MICAL2: variants seen among roughly 807,000 people sequenced by gnomAD.
The protein encoded by MICAL2 is microtubule associated monooxygenase, calponin and LIM domain containing 2, also known as [F-actin]-monooxygenase MICAL2.
In MICAL2, 77 loss-of-function variants were observed where a neutral mutation model predicts 127.3. The ratio of observed to expected loss-of-function variants is 0.60; its 90% CI spans 0.50 to 0.73. The LOEUF (loss-of-function observed/expected upper bound fraction) is 0.73. MICAL2 is among the 30% of genes least tolerant of loss of function. The pLI is 0.00. For synonymous variants in MICAL2, 570 were observed against 551.1 expected (o/e 1.03, Z -0.48); for missense variants, 1,351 against 1,434.4 (o/e 0.94, Z 0.94).
chr11:12,118,871 T>C (rs1850268702), intron 1 of MICAL2, among the ~76,000 whole-genome samples: 1 of 152,168 alleles, frequency 6.6e-6, no homozygotes, highest in Non-Finnish European at 1.5e-5. Context: ...GTTGTTGTTG[T>C]TGTTTTGTTT....
At position 12,220,382 on chromosome 11, in the gene MICAL2, C is replaced by G; in HGVS notation, c.1130C>G (p.Ser377Ter). Residue 377 changes from serine (S) to a stop codon, truncating the protein, a stop_gained, in exon 9 of 28, where the codon TCA (serine) becomes TGA (stop). Coordinates refer to ENST00000683283, the MANE Select transcript of MICAL2 (RefSeq NM_001282663.2). LOFTEE classifies it high-confidence loss of function. Reference sequence around the variant, plus strand: ...TTTGACTTTACCTGCATGTATGCCTCAGAGAACGCGGCCCTGGTGCGGGAG... The same window carrying G: ...TTTGACTTTACCTGCATGTATGCCTGAGAGAACGCGGCCCTGGTGCGGGAG... ...AMFDFTCMYA[S>*]ENAALVRERQ... 1 of 1,614,166 alleles carries G rather than the reference C, an allele frequency of 6.2e-7. No homozygotes were observed. The highest frequency in any genetic ancestry group is 8.5e-7 in the Non-Finnish European group (1 of 1,180,044).
intron 1 of MICAL2, among the ~76,000 whole-genome samples, chr11:12,114,098 A>T (rs1251878763): frequency 1.3e-5 from 2 of 152,196 alleles, no homozygotes; most frequent in Admixed American, 1.3e-4. Flanking sequence ...CAAACTCATA[A>T]TGCATAATCA....
At chr11:12,285,450 A>G (rs550903814) in intron 2 of MICAL2, among the ~76,000 whole-genome samples, 1 of 152,302 alleles carries the variant, frequency 6.6e-6, no homozygotes, top group South Asian at 2.1e-4. Context: ...GTCTGGGGAA[A>G]GGGCTGTTAT....
intron 2 of MICAL2, among the ~76,000 whole-genome samples, chr11:12,152,549 A>G (rs961910241): frequency 3.9e-5 from 6 of 152,068 alleles, no homozygotes; most frequent in Non-Finnish European, 8.8e-5. Flanking sequence ...AGACCAGGGA[A>G]CTGGTGCCCA....
intron 3 of MICAL2, among the ~76,000 whole-genome samples, chr11:12,203,246 C>T (rs1234586518): frequency 2.6e-5 from 4 of 152,124 alleles, no homozygotes; most frequent in Non-Finnish European, 4.4e-5. Flanking sequence ...TTTGTGTGAA[C>T]ATGTTTTCAT....
intron 2 of MICAL2, among the ~76,000 whole-genome samples, chr11:12,160,976 C>T (rs905905137): frequency 6.6e-6 from 1 of 152,224 alleles, no homozygotes; most frequent in Non-Finnish European, 1.5e-5. Context: ...CTCTGGGGAG[C>T]ACAGAGCTGC....
intron 2 of MICAL2, among the ~76,000 whole-genome samples, chr11:12,153,551 C>T (rs1375843424): frequency 6.6e-6 from 1 of 152,110 alleles, no homozygotes; most frequent in African/African-American, 2.4e-5. Context: ...GATTCTCTTG[C>T]CTCAGCCTCC....
At chr11:12,288,551 G>A (rs963321803), downstream of MICAL2, among the ~76,000 whole-genome samples, 1 of 152,212 alleles carries the variant, frequency 6.6e-6, no homozygotes, top group Admixed American at 6.5e-5. Flanking sequence ...AGTTATCAAG[G>A]AGTATTGCAC....
At chr11:12,338,706 A>G (rs1938809309) in intron 32 of MICAL2, among the ~76,000 whole-genome samples, 1 of 152,118 alleles carries the variant, frequency 6.6e-6, no homozygotes, top group Non-Finnish European at 1.5e-5. Context: ...TTTCTCCTTC[A>G]CTTATGAAGC....
intron 6 of MICAL2, among the ~76,000 whole-genome samples, chr11:12,212,295 C>A (rs895918508): frequency 1.3e-5 from 2 of 152,156 alleles, no homozygotes; most frequent in African/African-American, 4.8e-5. Flanking sequence ...CATGATGAAA[C>A]TGTGTCTCCA....
intron 26 of MICAL2, chr11:12,261,925 T>A (rs2134718151): frequency 1.0e-6 from 1 of 986,970 alleles, no homozygotes; most frequent in African/African-American, 1.7e-5. Context: ...GGTCATGATG[T>A]GAACGGCCAT....
chr11:12,115,487 T>A (rs11022182), intron 1 of MICAL2, among the ~76,000 whole-genome samples: 7 of 152,176 alleles, frequency 4.6e-5, no homozygotes, highest in Admixed American at 2.0e-4. Context: ...TTAATTTTTA[T>A]TTTTTATTTT....
At chr11:12,190,499 A>G (rs1259598709) in intron 3 of MICAL2, among the ~76,000 whole-genome samples, 2 of 152,218 alleles carry the variant, frequency 1.3e-5, no homozygotes, top group African/African-American at 2.4e-5. Flanking sequence ...TGGTAAAGGT[A>G]GTAAAACTCC....
intron 3 of MICAL2, among the ~76,000 whole-genome samples, chr11:12,167,427 C>T (rs566958610): frequency 1.3e-5 from 2 of 152,140 alleles, no homozygotes; most frequent in Non-Finnish European, 2.9e-5. Flanking sequence ...CAGTTTCCTC[C>T]GTAGATCACA....
In MICAL2 at chr11:12,304,182, A is replaced by G. The variant is rs571610186; in HGVS notation, c.5212+9325A>G. On this transcript the variant is annotated intron_variant, in intron 29 of 34. Coordinates refer to the MICAL2 transcript ENST00000646065. ...CATGCATGGCTTGTATTATATTTCT[A>G]TTGGACAACACTGTTACAGAAGCCT... Among the ~76,000 whole-genome samples the G allele has an allele frequency of 3.7e-3, 558 of 152,302 alleles. 1 individual carries two copies. Among genetic ancestry groups the G allele is most frequent in the Middle Eastern group, 0.01 (3 of 294 alleles).
chr11:12,327,183 G>T, exon 32 of MICAL2: 5 of 1,551,724 alleles, frequency 3.2e-6, no homozygotes, highest in Non-Finnish European at 4.4e-6. Flanking sequence ...GCCATCCAGA[G>T]GCAGCTGGAG....
intron 3 of MICAL2, among the ~76,000 whole-genome samples, chr11:12,190,621 A>C (rs1858972816): frequency 6.6e-6 from 1 of 152,204 alleles, no homozygotes; most frequent in South Asian, 2.1e-4. Context: ...TCTTCTCTCC[A>C]TTTTTGTAAA....
intron 32 of MICAL2, among the ~76,000 whole-genome samples, chr11:12,343,666 C>CA (rs927238411): frequency 1.8e-4 from 28 of 152,010 alleles, no homozygotes; most frequent in African/African-American, 4.8e-5. Context: ...AAAACAACAA[C>CA]AAAAAATGCT....
intron 29 of MICAL2, among the ~76,000 whole-genome samples, chr11:12,308,743 C>A (rs1864140500): frequency 6.6e-6 from 1 of 152,182 alleles, no homozygotes; most frequent in Non-Finnish European, 1.5e-5. Context: ...TGCCTTATTG[C>A]ACTGCCTAGG....
Sources: allele counts gnomAD v4.1 joint callset (sites outside exome capture counted in the v4.1 genomes callset), GRCh38; gene constraint gnomAD v4.1.1; transcripts MANE v1.5; gene names NCBI Gene and HGNC (gene_info 2026-07-23, HGNC 2026-07-21).